Variants in TRIM9 observed in about 807,000 individuals in gnomAD.
TRIM9 encodes tripartite motif containing 9.
Under a neutral mutation model 78.3 loss-of-function variants are expected in TRIM9, and 26 were observed. That is an observed-to-expected ratio of 0.33 (90% CI 0.24 to 0.46). The LOEUF (loss-of-function observed/expected upper bound fraction) is 0.46, where lower values mean the gene tolerates loss of function less well. Among genes scored for constraint, TRIM9 ranks in the 20% least tolerant of loss-of-function variants. TRIM9 has a pLI of 1.00. For synonymous variants in TRIM9, 398 were observed against 416.5 expected (o/e 0.96, Z 0.54); for missense variants, 787 against 1,036.4 (o/e 0.76, Z 3.30).
At chr14:51,084,679 A>T (rs1038428626) in intron 1 of TRIM9, among the ~76,000 whole-genome samples, 3 of 152,188 alleles carry the variant, frequency 2.0e-5, no homozygotes, top group African/African-American at 7.2e-5. Context: ...TTCCAAGATA[A>T]TGGGACAGCA....
intron 11 of TRIM9, among the ~76,000 whole-genome samples, chr14:50,980,964 G>A (rs1422030275): frequency 6.6e-6 from 1 of 151,564 alleles, no homozygotes; most frequent in Non-Finnish European, 1.5e-5. Flanking sequence ...CCTTTGATCT[G>A]GTTGAACACT....
At chr14:51,088,308 G>A (rs1337066180) in intron 1 of TRIM9, among the ~76,000 whole-genome samples, 2 of 152,158 alleles carry the variant, frequency 1.3e-5, no homozygotes, top group Admixed American at 1.3e-4. Flanking sequence ...TTTGGAAAAT[G>A]CTACATTGAA....
In TRIM9 at chr14:51,094,862, A is replaced by G; in HGVS notation, c.78T>C (p.Ser26=). ...FYREPIILPC[S]HNLCQACARN... is the part of the protein sequence containing the mutation. ...GGGCGCACGCCTGACACAAATTGTG[A>G]GAGCAGGGCAGGATGATGGGCTCCC... The change falls in exon 1 of 13, where the codon TCT becomes TCC. Residue 26 remains serine, a synonymous_variant. Coordinates refer to ENST00000684578, the MANE Select transcript of TRIM9 (RefSeq NM_001387360.1). 6.5e-7 allele frequency: 1 copy of G among 1,529,440 alleles called. No homozygotes were observed. Among genetic ancestry groups the G allele is most frequent in the Non-Finnish European group, 8.7e-7 (1 of 1,143,670 alleles). The allele number at this position is 1,529,440 out of a possible 1,614,324, so 94.7% of individuals were successfully genotyped here.
chr14:50,997,749 C>G (rs2054410056), intron 7 of TRIM9: 2 of 1,318,136 alleles, frequency 1.5e-6, no homozygotes, highest in South Asian at 2.1e-5. Context: ...TCTTACACAC[C>G]AGGGGCACAT....
At chr14:51,038,104 T>C (rs1669486994) in intron 1 of TRIM9, among the ~76,000 whole-genome samples, 1 of 151,964 alleles carries the variant, frequency 6.6e-6, no homozygotes, top group Admixed American at 6.6e-5. Flanking sequence ...GTTATAGACC[T>C]TGAGATGGAG....
intron 7 of TRIM9, among the ~76,000 whole-genome samples, chr14:50,990,575 C>G (rs1166508215): frequency 6.6e-6 from 1 of 152,068 alleles, no homozygotes; most frequent in Non-Finnish European, 1.5e-5. Context: ...AAAAGGTAGC[C>G]TTTGGGGTGT....
intron 1 of TRIM9, among the ~76,000 whole-genome samples, chr14:51,034,101 T>C (rs2058952997): frequency 6.6e-6 from 1 of 152,204 alleles, no homozygotes; most frequent in Non-Finnish European, 1.5e-5. Context: ...TGGTAATCCA[T>C]GACTTTTCAC....
intron 3 of TRIM9, among the ~76,000 whole-genome samples, chr14:51,014,351 G>C (rs1596174072): frequency 6.6e-6 from 1 of 152,254 alleles, no homozygotes; most frequent in East Asian, 1.9e-4. Flanking sequence ...ATTGGCTCCT[G>C]CATTCTATGA....
chr14:51,009,403 C>T (rs1362665270), intron 4 of TRIM9, among the ~76,000 whole-genome samples, 170 bp from the exon 5 acceptor site: 4 of 152,210 alleles, frequency 2.6e-5, no homozygotes, highest in Admixed American at 6.5e-5. Context: ...GGGTGACTCA[C>T]AATTCATCAA....
chr14:51,049,519 T>C (rs920318081), intron 1 of TRIM9, among the ~76,000 whole-genome samples: 6 of 152,080 alleles, frequency 3.9e-5, no homozygotes, highest in Admixed American at 1.3e-4. Flanking sequence ...ATATAGTGTA[T>C]GTGTAAGTGT....
chr14:50,983,275 T>G (rs2052223233), intron 9 of TRIM9, 105 bp downstream of exon 9: 1 of 962,466 alleles, frequency 1.0e-6, no homozygotes, highest in Admixed American at 2.6e-5. Flanking sequence ...GAATGACAAT[T>G]AGACAATTTT....
At chr14:51,046,238 T>G (rs1480442742) in intron 1 of TRIM9, among the ~76,000 whole-genome samples, 1 of 152,122 alleles carries the variant, frequency 6.6e-6, no homozygotes, top group Non-Finnish European at 1.5e-5. Flanking sequence ...CAAGGGACAC[T>G]TGTGGGGCTG....
chr14:51,068,659 C>A (rs552007898), intron 1 of TRIM9, among the ~76,000 whole-genome samples: 5 of 152,248 alleles, frequency 3.3e-5, no homozygotes, highest in African/African-American at 1.2e-4. Context: ...AAGCTCTTGG[C>A]CAGACACTGT....
intron 7 of TRIM9, among the ~76,000 whole-genome samples, chr14:50,987,315 CG>C (rs1359049408): frequency 6.6e-6 from 1 of 152,118 alleles, no homozygotes. Flanking sequence ...AACTGGAGCA[CG>C]TGTGTGTGCA....
Position 51,000,726 on chromosome 14 carries a change from C to A in TRIM9, c.1421G>T (p.Gly474Val). ...QPPLSTVPAD[G>V]YILELDDGNG... ...GCCATCATCCAGCTCCAGAATGTATCCATCGGCGGGCACCGTGGACAGAGG... is the reference window on the plus strand; with the variant it reads ...GCCATCATCCAGCTCCAGAATGTATACATCGGCGGGCACCGTGGACAGAGG... The change falls in exon 6 of 13, where the codon GGA (glycine) becomes GTA (valine). Residue 474 changes from glycine (G) to valine (V), a missense_variant. Coordinates refer to ENST00000684578, the MANE Select transcript of TRIM9 (RefSeq NM_001387360.1). 6.2e-7 allele frequency: 1 copy of A among 1,614,196 alleles called. No individual in the cohort carries two copies. Among genetic ancestry groups the A allele is most frequent in the Non-Finnish European group, 8.5e-7 (1 of 1,180,024 alleles).
At chr14:50,993,107 A>G (rs573898334) in intron 7 of TRIM9, among the ~76,000 whole-genome samples, 7 of 152,260 alleles carry the variant, frequency 4.6e-5, no homozygotes, top group Admixed American at 4.6e-4. Flanking sequence ...TGGTAGTATC[A>G]GAGCCTCAGA....
intron 12 of TRIM9, among the ~76,000 whole-genome samples, chr14:50,978,381 C>T (rs1596078364): frequency 6.6e-6 from 1 of 152,024 alleles, no homozygotes. Flanking sequence ...GCTGGCAGGG[C>T]ACAGCTCTTC....
rs372296103 is a variant in TRIM9 at position 50,979,353 on chromosome 14, A to G, written c.2325+34T>C. 1.1e-5 allele frequency: 18 copies of G among 1,614,090 alleles called. No homozygotes were observed. In the African/African-American group the frequency reaches 2.4e-4, roughly 22 times the overall value. On this transcript the variant is annotated intron_variant, in intron 12 of 12. Transcript: ENST00000684578. ...GGCAGCCTTTGAACCGGTAGCCAGC[A>G]ACAGCTGTTTAACCTCAGGGGCAGG... is the stretch of plus-strand genomic sequence containing the variant.
chr14:51,046,684 C>T (rs1361432320), intron 1 of TRIM9, among the ~76,000 whole-genome samples: 1 of 152,146 alleles, frequency 6.6e-6, no homozygotes, highest in African/African-American at 2.4e-5. Context: ...ATAAAGAATG[C>T]AGACTTTGGA....
Sources: gnomAD v4.1 joint callset for allele counts (sites outside exome capture counted in the v4.1 genomes callset) on GRCh38, gnomAD v4.1.1 for gene constraint, MANE v1.5 for transcripts, NCBI Gene and HGNC (gene_info 2026-07-23, HGNC 2026-07-21) for gene names.